ANKS1B: variants seen among roughly 807,000 people sequenced by gnomAD.
The protein encoded by ANKS1B is ankyrin repeat and sterile alpha motif domain containing 1B, also known as ankyrin repeat and sterile alpha motif domain-containing protein 1B.
A neutral mutation model predicts 148.3 loss-of-function variants in ANKS1B; 36 were observed. The ratio of observed to expected loss-of-function variants is 0.24; its 90% CI spans 0.19 to 0.32. The LOEUF (loss-of-function observed/expected upper bound fraction) is 0.32. Among genes scored for constraint, ANKS1B ranks in the 10% least tolerant of loss-of-function variants. ANKS1B has a pLI of 1.00. For missense variants in ANKS1B, 1,157 were observed against 1,542.6 expected (o/e 0.75, Z 4.19); for synonymous variants, 542 against 560.8 (o/e 0.97, Z 0.47).
At chr12:99,423,112 A>G (rs915009801) in intron 11 of ANKS1B, among the ~76,000 whole-genome samples, 1 of 152,216 alleles carries the variant, frequency 6.6e-6, no homozygotes, top group Admixed American at 6.5e-5. Context: ...GTAAAATTCA[A>G]AAGTCATTAG....
intron 8 of ANKS1B, among the ~76,000 whole-genome samples, chr12:99,741,630 C>A (rs966002769): frequency 8.5e-5 from 13 of 152,056 alleles, no homozygotes; most frequent in Admixed American, 1.3e-4. Flanking sequence ...TCATTCTCAG[C>A]AAACTAACAC....
At chr12:99,097,533 C>T (rs924292798) in intron 15 of ANKS1B, 2 of 151,934 alleles carry the variant, frequency 1.3e-5, no homozygotes, top group African/African-American at 4.8e-5. Flanking sequence ...AATCATTATT[C>T]AAAGTATAAT....
intron 17 of ANKS1B, among the ~76,000 whole-genome samples, chr12:98,953,270 C>G (rs972562561): frequency 1.3e-5 from 2 of 152,170 alleles, no homozygotes; most frequent in Non-Finnish European, 2.9e-5. Flanking sequence ...ATCCACCCAC[C>G]TTGGCCTCCC....
intron 12 of ANKS1B, among the ~76,000 whole-genome samples, chr12:99,339,695 A>G: frequency 6.6e-6 from 1 of 152,096 alleles, no homozygotes. Flanking sequence ...ATTTTGTTAG[A>G]TGCATTACTC....
At chr12:98,892,991 C>T (rs143119345) in intron 17 of ANKS1B, among the ~76,000 whole-genome samples, 115 of 152,336 alleles carry the variant, frequency 7.5e-4, no homozygotes, top group African/African-American at 2.6e-3. Flanking sequence ...GACAAGGTTT[C>T]CATCCTTGAA....
intron 10 of ANKS1B, among the ~76,000 whole-genome samples, chr12:99,492,014 G>C (rs2096560385): frequency 6.6e-6 from 1 of 151,558 alleles, no homozygotes; most frequent in African/African-American, 2.4e-5. Context: ...GAGAACCAAG[G>C]GCACCCCCAA....
intron 9 of ANKS1B, among the ~76,000 whole-genome samples, chr12:99,587,537 CT>C (rs983436131): frequency 6.6e-6 from 1 of 152,124 alleles, no homozygotes; most frequent in Admixed American, 6.5e-5. Flanking sequence ...GCGAATCAAA[CT>C]TCTATATTTG....
At chr12:98,844,639 T>C (rs948520948) in intron 17 of ANKS1B, among the ~76,000 whole-genome samples, 41 of 152,342 alleles carry the variant, frequency 2.7e-4, no homozygotes, top group African/African-American at 9.9e-4. Flanking sequence ...ATCTGCAAGA[T>C]GGTGGGCTCT....
chr12:99,292,672 C>T (rs1166350008), intron 12 of ANKS1B, among the ~76,000 whole-genome samples: 1 of 152,052 alleles, frequency 6.6e-6, no homozygotes, highest in African/African-American at 2.4e-5. Flanking sequence ...GAAACTACCC[C>T]ATCAAAAAGT....
intron 12 of ANKS1B, among the ~76,000 whole-genome samples, chr12:99,332,119 T>C (rs1433053138): frequency 7.9e-5 from 12 of 151,976 alleles, no homozygotes; most frequent in African/African-American, 2.2e-4. Context: ...ATATGCTGTA[T>C]AGCGTGTTAA....
intron 17 of ANKS1B, among the ~76,000 whole-genome samples, chr12:99,038,398 A>G (rs1337272874): frequency 6.6e-6 from 1 of 152,124 alleles, no homozygotes; most frequent in Non-Finnish European, 1.5e-5. Context: ...ATCCTGACTC[A>G]GATATTCTCA....
chr12:99,394,955 G>C (rs1000591310), intron 12 of ANKS1B, among the ~76,000 whole-genome samples: 1 of 152,104 alleles, frequency 6.6e-6, no homozygotes, highest in Non-Finnish European at 1.5e-5. Context: ...TGTGTCAAAC[G>C]ATAGGAAATT....
chr12:98,934,166 T>C (rs1292010187), intron 17 of ANKS1B, among the ~76,000 whole-genome samples: 1 of 152,126 alleles, frequency 6.6e-6, no homozygotes, highest in Non-Finnish European at 1.5e-5. Flanking sequence ...TAATATTGAA[T>C]TGATATTTTG....
At chr12:99,333,864 T>G (rs574543350) in intron 12 of ANKS1B, among the ~76,000 whole-genome samples, 19 of 149,816 alleles carry the variant, frequency 1.3e-4, no homozygotes, top group African/African-American at 2.7e-4. Flanking sequence ...GTTTTTTTTT[T>G]TTTTTTTTTT....
At chr12:99,005,634 C>G (rs924932521) in intron 17 of ANKS1B, among the ~76,000 whole-genome samples, 1 of 152,142 alleles carries the variant, frequency 6.6e-6, no homozygotes, top group Non-Finnish European at 1.5e-5. Flanking sequence ...AACCTGCATG[C>G]GCTTTCAAAT....
At chr12:99,064,514 TA>T (rs1262623670) in intron 16 of ANKS1B, among the ~76,000 whole-genome samples, 2 of 152,166 alleles carry the variant, frequency 1.3e-5, no homozygotes, top group African/African-American at 4.8e-5. Context: ...GACTACAAGT[TA>T]AAGGAGTTAA....
intron 11 of ANKS1B, among the ~76,000 whole-genome samples, chr12:99,404,545 C>T (rs2094488588): frequency 6.9e-6 from 1 of 145,398 alleles, no homozygotes; most frequent in South Asian, 2.1e-4. Context: ...CAGAATTGAT[C>T]AGGCAGAAGA....
chr12:99,400,179 A>C (rs931892955), intron 11 of ANKS1B, among the ~76,000 whole-genome samples: 3 of 111,978 alleles, frequency 2.7e-5, no homozygotes, highest in African/African-American at 1.1e-4. Context: ...TGCCAGACCC[A>C]GAGGATATAG....
chr12:99,515,637 G>A (rs1019946966), intron 9 of ANKS1B, among the ~76,000 whole-genome samples: 28 of 152,130 alleles, frequency 1.8e-4, no homozygotes, highest in Non-Finnish European at 3.2e-4. Context: ...ACAAATATGG[G>A]AGTAGAGCCA....
Sources: gnomAD v4.1 joint callset for allele counts (sites outside exome capture counted in the v4.1 genomes callset) on GRCh38, gnomAD v4.1.1 for gene constraint, MANE v1.5 for transcripts, NCBI Gene and HGNC (gene_info 2026-07-23, HGNC 2026-07-21) for gene names.